RNF111: variants seen among roughly 807,000 people sequenced by gnomAD.
The protein encoded by RNF111 is ring finger protein 111.
RNF111 carries 17 observed loss-of-function variants against 95.1 expected under a neutral mutation model. The observed-to-expected ratio is 0.18, with a 90% confidence interval of 0.12 to 0.27. The LOEUF is 0.27. Ranked by LOEUF, RNF111 falls within the 10% of genes least tolerant of loss-of-function variation. The pLI is 1.00. For missense variants in RNF111, 1,189 were observed against 1,210.4 expected, an observed-to-expected ratio of 0.98 and a Z score of 0.26; for synonymous variants, 440 against 414.8, an observed-to-expected ratio of 1.06 and a Z score of -0.74.
At chr15:59,032,497 C>G (rs1567230123) in intron 2 of RNF111, among the ~76,000 whole-genome samples, 1 of 152,156 alleles carries the variant, frequency 6.6e-6, no homozygotes, top group Non-Finnish European at 1.5e-5. Flanking sequence ...TCTTGGTTCA[C>G]TGCAACCTTC....
intron 6 of RNF111, among the ~76,000 whole-genome samples, chr15:59,068,174 C>G (rs186809253): frequency 6.6e-6 from 1 of 152,136 alleles, no homozygotes; most frequent in East Asian, 1.9e-4. Context: ...GAGCTGAGAT[C>G]ACGCCATTGC....
In RNF111 at chr15:59,084,512, T is replaced by C. The variant is rs533637259; in HGVS notation, c.2423+258T>C. On this transcript the variant is annotated intron_variant, in intron 9 of 13. Transcript: ENST00000348370. ...TTAATTGAAAAATAATAATTGTATA[T>C]ATTTGGAGGTACAGCATAGTATTTC... The C allele has an allele frequency of 5.8e-5, 18 of 312,314 alleles. 1 individual carries two copies. The South Asian group carries it at 7.2e-4, about 12-fold the overall frequency. 19.3% of individuals were successfully genotyped at this position (312,314 alleles called of 1,614,324 possible). A position where few individuals can be genotyped will look rare whatever the true frequency, so the allele number is the denominator to read the frequency against.
At chr15:59,034,968 A>G (rs2041100486) in intron 2 of RNF111, among the ~76,000 whole-genome samples, 1 of 152,198 alleles carries the variant, frequency 6.6e-6, no homozygotes, top group Admixed American at 6.6e-5. Context: ...TGGGTAATTT[A>G]TAAAGGAAAG....
intron 1 of RNF111, among the ~76,000 whole-genome samples, chr15:59,030,418 T>C (rs1023021466): frequency 6.6e-6 from 1 of 152,212 alleles, no homozygotes; most frequent in African/African-American, 2.4e-5. Flanking sequence ...ACATGTTGAC[T>C]AATTAGTCTT....
intron 1 of RNF111, among the ~76,000 whole-genome samples, chr15:59,013,940 C>T (rs1211227213): frequency 1.3e-5 from 2 of 151,986 alleles, no homozygotes; most frequent in African/African-American, 4.8e-5. Context: ...AGGCACACGC[C>T]ACCACGCCTG....
intron 2 of RNF111, among the ~76,000 whole-genome samples, chr15:59,035,963 C>G (rs1358282479): frequency 1.3e-5 from 2 of 152,226 alleles, no homozygotes; most frequent in African/African-American, 4.8e-5. Context: ...TCCACATTTT[C>G]AGATATCTTT....
At chr15:59,026,724 A>G (rs2040627861) in intron 1 of RNF111, among the ~76,000 whole-genome samples, 1 of 68,204 alleles carries the variant, frequency 1.5e-5, no homozygotes, top group Non-Finnish European at 3.6e-5. Flanking sequence ...TGGATTTTAG[A>G]AAAAAAAATT....
intron 5 of RNF111, among the ~76,000 whole-genome samples, chr15:59,060,785 C>CATTATT (rs3052989): frequency 8.6e-4 from 126 of 146,822 alleles, no homozygotes; most frequent in Non-Finnish European, 1.1e-3. Context: ...CTTTATGTAG[C>CATTATT]ATTATTATTA....
chr15:59,006,943 G>A (rs12438128), intron 1 of RNF111, among the ~76,000 whole-genome samples: 39,771 of 151,964 alleles, frequency 0.26, 5,267 homozygotes, highest in East Asian at 0.41. Flanking sequence ...CCGCTACCAC[G>A]CCCAGCTAAT....
chr15:59,027,201 A>G (rs2040657891), intron 1 of RNF111, among the ~76,000 whole-genome samples: 1 of 152,132 alleles, frequency 6.6e-6, no homozygotes, highest in South Asian at 2.1e-4. Context: ...TCTAATTTTT[A>G]AATCTTCAGC....
At chr15:59,035,658 A>G (rs1039612072) in intron 2 of RNF111, among the ~76,000 whole-genome samples, 22 of 152,188 alleles carry the variant, frequency 1.4e-4, no homozygotes, top group African/African-American at 5.3e-4. Flanking sequence ...ACTTTTGCAT[A>G]TACCCTAAAT....
chr15:58,990,931 T>A (rs2038787019), intron 1 of RNF111, among the ~76,000 whole-genome samples: 2 of 152,180 alleles, frequency 1.3e-5, no homozygotes, highest in African/African-American at 4.8e-5. Flanking sequence ...TGGTAACAGC[T>A]GGCCCAGGTT....
In RNF111 at chr15:59,076,335, GT is replaced by G. The variant is rs553201511; in HGVS notation, c.1948+121del. On this transcript the variant is annotated intron_variant, in intron 7 of 13. Transcript: ENST00000348370. ...TTTTTAGTATTTACTTGGCTTAAGAGTAGGGTATATTTTTTCCCATGTTAGT... is the reference window on the plus strand; with the variant it reads ...TTTTTAGTATTTACTTGGCTTAAGAGAGGGTATATTTTTTCCCATGTTAGT... 7.0e-5 allele frequency: 81 copies of G among 1,161,548 alleles called. 1 individual carries two copies. In the South Asian group the frequency reaches 1.2e-3, roughly 17 times the overall value. The allele number at this position is 1,161,548 out of a possible 1,614,324, so 72.0% of individuals were successfully genotyped here.
chr15:59,040,517 C>T (rs2041399377), intron 2 of RNF111, among the ~76,000 whole-genome samples: 1 of 152,114 alleles, frequency 6.6e-6, no homozygotes. Context: ...AATATTTCCA[C>T]TGCAAGTTTA....
chr15:59,087,121 G>C (rs763372168), intron 10 of RNF111, among the ~76,000 whole-genome samples: 1 of 152,214 alleles, frequency 6.6e-6, no homozygotes, highest in East Asian at 1.9e-4. Flanking sequence ...AGTTAAGCCT[G>C]TGGTCTGGAT....
At chr15:59,093,353 T>C in intron 13 of RNF111, 1 of 395,412 alleles carries the variant, frequency 2.5e-6, no homozygotes, top group East Asian at 7.9e-5. Context: ...TTTTTTTTTT[T>C]TTTTTTTTCC....
chr15:58,990,064 G>A (rs1034994064), intron 1 of RNF111, among the ~76,000 whole-genome samples: 2 of 152,092 alleles, frequency 1.3e-5, no homozygotes, highest in South Asian at 2.1e-4. Flanking sequence ...TATGGGTAAC[G>A]TTATCTTATG....
In RNF111 at chr15:59,048,916, T is replaced by C. The variant is rs2041836989; in HGVS notation, c.881-3389T>C. On this transcript the variant is annotated intron_variant, in intron 2 of 13. Transcript: ENST00000348370. ...GACCAGCCTGGGCAGTGTACTAAGA[T>C]CCTGTCTCTTTAAAAAACAAACAAA... 2.0e-5 allele frequency among the ~76,000 whole-genome samples: 3 copies of C among 151,842 alleles called. No individual in the cohort carries two copies. The South Asian group carries it at 6.2e-4, about 32-fold the overall frequency.
intron 2 of RNF111, among the ~76,000 whole-genome samples, chr15:59,048,353 C>A (rs1174648234): frequency 6.6e-6 from 1 of 152,152 alleles, no homozygotes; most frequent in African/African-American, 2.4e-5. Context: ...AAAGTGTATG[C>A]AATGTGTGAC....
Sources: gnomAD v4.1 joint callset for allele counts (sites outside exome capture counted in the v4.1 genomes callset) on GRCh38, gnomAD v4.1.1 for gene constraint, MANE v1.5 for transcripts, NCBI Gene and HGNC (gene_info 2026-07-23, HGNC 2026-07-21) for gene names.